The following ZFYVE9 variants were observed in gnomAD, a reference collection of about 807,000 sequenced individuals.
ZFYVE9 encodes the protein zinc finger FYVE domain-containing protein 9.
Under a neutral mutation model 126.7 loss-of-function variants are expected in ZFYVE9, and 43 were observed. The observed-to-expected ratio is 0.34, with a 90% CI of 0.27 to 0.44. ZFYVE9 has a LOEUF of 0.44. ZFYVE9 is among the 20% of genes least tolerant of loss of function. ZFYVE9 has a pLI of 1.00. For missense variants in ZFYVE9, 1,476 were observed against 1,697.0 expected (o/e 0.87, Z 2.29); for synonymous variants, 521 against 597.4 (o/e 0.87, Z 1.87).
At chr1:52,161,516 C>T (rs1041855754) in intron 1 of ZFYVE9, among the ~76,000 whole-genome samples, 2 of 152,168 alleles carry the variant, frequency 1.3e-5, no homozygotes, top group Admixed American at 1.3e-4. Flanking sequence ...GTCTTGAACT[C>T]TTGAGCTCAG....
chr1:52,232,699 G>A (rs1461704313), intron 2 of ZFYVE9, among the ~76,000 whole-genome samples: 3 of 124,394 alleles, frequency 2.4e-5, no homozygotes, highest in African/African-American at 9.8e-5. Flanking sequence ...TTGCACTCCA[G>A]CCTAGGCAAC....
Position 52,339,886 on chromosome 1 carries a change from A to G in ZFYVE9, c.3834-240A>G, listed in dbSNP as rs76812415. On this transcript the variant is annotated intron_variant, in intron 16 of 18. Coordinates refer to ENST00000287727, the MANE Select transcript of ZFYVE9 (RefSeq NM_004799.4). ...TTAAAGAGAACTAGCTCCTGGAAAA[A>G]TGATTCCTTTTTTGCATGTGTGTTC... Among the ~76,000 whole-genome samples the G allele has an allele frequency of 3.9e-3, 601 of 152,292 alleles. 3 individuals are homozygous for G. The highest frequency in any genetic ancestry group is 0.014 in the African/African-American group (572 of 41,558).
intron 1 of ZFYVE9, among the ~76,000 whole-genome samples, chr1:52,197,707 A>G (rs137930567): frequency 6.0e-4 from 91 of 152,330 alleles, no homozygotes; most frequent in African/African-American, 2.1e-3. Flanking sequence ...CTAAAATGTC[A>G]GATGAAGTTA....
chr1:52,291,391 G>A (rs138260491), intron 10 of ZFYVE9, among the ~76,000 whole-genome samples: 173 of 152,284 alleles, frequency 1.1e-3, no homozygotes, highest in Middle Eastern at 3.4e-3. Context: ...TTCATTGGGT[G>A]TTATTGCTTT....
intron 1 of ZFYVE9, chr1:52,149,976 ATTAAAG>A (rs1467395503): frequency 5.3e-5 from 8 of 152,158 alleles, no homozygotes; most frequent in Non-Finnish European, 1.2e-4. Flanking sequence ...ACCTTTCATG[ATTAAAG>A]TTTGCTGTTT....
chr1:52,179,325 A>G (rs1009730547), intron 1 of ZFYVE9, among the ~76,000 whole-genome samples: 1 of 152,320 alleles, frequency 6.6e-6, no homozygotes. Context: ...GAGAGAGAAC[A>G]TGAGACTGGA....
chr1:52,243,352 G>T (rs1474467662), intron 4 of ZFYVE9, among the ~76,000 whole-genome samples: 1 of 152,208 alleles, frequency 6.6e-6, no homozygotes, highest in Non-Finnish European at 1.5e-5. Context: ...AAGAAGGTAT[G>T]AGAAGACATC....
chr1:52,318,624 A>G (rs146972248), intron 13 of ZFYVE9, among the ~76,000 whole-genome samples: 107 of 152,186 alleles, frequency 7.0e-4, no homozygotes, highest in African/African-American at 1.9e-3. Context: ...AATTATATAT[A>G]TAAAAAAAGA....
intron 1 of ZFYVE9, among the ~76,000 whole-genome samples, chr1:52,188,236 T>A (rs12409442): frequency 6.6e-6 from 1 of 152,072 alleles, no homozygotes. Context: ...ACAGAAACCG[T>A]ATACCACGTG....
chr1:52,292,163 T>A (rs548337813), intron 10 of ZFYVE9, among the ~76,000 whole-genome samples: 1 of 151,394 alleles, frequency 6.6e-6, no homozygotes, highest in East Asian at 2.0e-4. Flanking sequence ...ATGTTTGTAA[T>A]TGTAGCTATT....
chr1:52,225,522 A>C (rs1645162313), intron 2 of ZFYVE9, among the ~76,000 whole-genome samples: 1 of 152,242 alleles, frequency 6.6e-6, no homozygotes, highest in Admixed American at 6.5e-5. Flanking sequence ...ACCCTAACAC[A>C]GTTCCTGTTT....
intron 12 of ZFYVE9, among the ~76,000 whole-genome samples, chr1:52,300,759 T>C (rs1487018489): frequency 6.6e-6 from 1 of 151,810 alleles, no homozygotes; most frequent in Non-Finnish European, 1.5e-5. Flanking sequence ...TGAATTATTT[T>C]AGCTTTTGTA....
At chr1:52,255,500 G>A (rs547137434) in intron 4 of ZFYVE9, among the ~76,000 whole-genome samples, 3 of 150,882 alleles carry the variant, frequency 2.0e-5, no homozygotes, top group African/African-American at 7.3e-5. Context: ...CAGGAGAATC[G>A]CTTGAACCTG....
chr1:52,144,554 A>C (rs996808718), intron 1 of ZFYVE9, among the ~76,000 whole-genome samples: 18 of 152,126 alleles, frequency 1.2e-4, no homozygotes, highest in Non-Finnish European at 2.1e-4. Context: ...AAAATTAACT[A>C]ACCTTGCTGA....
Position 52,344,920 on chromosome 1 carries a change from AC to A in ZFYVE9, c.4093del (p.Arg1365ValfsTer2), listed in dbSNP as rs1557530273. The A allele has an allele frequency of 6.2e-7, 1 of 1,614,090 alleles. No individual in the cohort carries two copies. The highest frequency in any genetic ancestry group is 8.5e-7 in the Non-Finnish European group (1 of 1,180,044). On this transcript the variant is annotated frameshift_variant, in exon 18 of 19. Transcript: ENST00000287727. LOFTEE classifies it high-confidence loss of function. ...KEDGMTKLGL[R>X]VTLDSDQVGY... ...AAGATGGAATGACCAAACTGGGACT[AC>A]GTGTGACACTTGACTCAGATCAGGT...
chr1:52,201,367 T>G (rs969086468), intron 1 of ZFYVE9, among the ~76,000 whole-genome samples: 1 of 139,092 alleles, frequency 7.2e-6, no homozygotes, highest in Admixed American at 8.7e-5. Context: ...CTGGAGGGTT[T>G]TTGGTAATTT....
intron 4 of ZFYVE9, among the ~76,000 whole-genome samples, chr1:52,256,713 A>G (rs1449799037): frequency 1.3e-5 from 2 of 152,238 alleles, no homozygotes; most frequent in Non-Finnish European, 2.9e-5. Context: ...ATAACAGTGA[A>G]GTTTAAACAG....
chr1:52,245,047 A>G (rs904800328), intron 4 of ZFYVE9, among the ~76,000 whole-genome samples: 1 of 151,864 alleles, frequency 6.6e-6, no homozygotes, highest in Admixed American at 6.6e-5. Flanking sequence ...AATGCCAGCT[A>G]CTCAGGAGGC....
chr1:52,300,727 T>TA (rs1646025079), intron 12 of ZFYVE9, among the ~76,000 whole-genome samples: 1 of 151,610 alleles, frequency 6.6e-6, no homozygotes, highest in African/African-American at 2.4e-5. Context: ...TAATATTTCT[T>TA]ACAGTGTAGG....
Sources: allele counts gnomAD v4.1 joint callset (sites outside exome capture counted in the v4.1 genomes callset), GRCh38; gene constraint gnomAD v4.1.1; transcripts MANE v1.5; gene names NCBI Gene and HGNC (gene_info 2026-07-23, HGNC 2026-07-21).